INPP4B: variants seen among roughly 807,000 people sequenced by gnomAD.
INPP4B encodes the protein inositol polyphosphate 4-phosphatase type II.
Under a neutral mutation model 122.5 loss-of-function variants are expected in INPP4B, and 55 were observed. The ratio of observed to expected loss-of-function variants is 0.45; its 90% CI spans 0.36 to 0.56. The LOEUF (loss-of-function observed/expected upper bound fraction) is 0.56, where lower values mean the gene tolerates loss of function less well. Among genes scored for constraint, INPP4B ranks in the 20% least tolerant of loss-of-function variants. The probability of loss-of-function intolerance (pLI) is 0.00; values close to 1 mark genes in which losing one functional copy is unlikely to be tolerated. For synonymous variants in INPP4B, 403 were observed against 388.7 expected (o/e 1.04, Z -0.43); for missense variants, 1,000 against 1,097.7 (o/e 0.91, Z 1.26).
intron 3 of INPP4B, among the ~76,000 whole-genome samples, chr4:142,435,986 G>A (rs1226033534): frequency 6.6e-6 from 1 of 152,202 alleles, no homozygotes; most frequent in African/African-American, 2.4e-5. Context: ...CATTGCAGCT[G>A]CTAGCTACTT....
chr4:142,277,607 C>T (rs1749158333), intron 9 of INPP4B, among the ~76,000 whole-genome samples: 1 of 151,596 alleles, frequency 6.6e-6, no homozygotes, highest in Non-Finnish European at 1.5e-5. Flanking sequence ...AATTCACAAT[C>T]ACAAAAATAT....
chr4:142,348,491 C>G (rs1311269095), intron 7 of INPP4B, among the ~76,000 whole-genome samples: 1 of 152,054 alleles, frequency 6.6e-6, no homozygotes, highest in Admixed American at 6.6e-5. Flanking sequence ...CCCTCCAATT[C>G]TCCCCAGATA....
At chr4:142,800,811 C>T (rs1294131502) in intron 1 of INPP4B, among the ~76,000 whole-genome samples, 1 of 152,072 alleles carries the variant, frequency 6.6e-6, no homozygotes, top group African/African-American at 2.4e-5. Context: ...TCTTATGTTT[C>T]CATTAAGTGA....
chr4:142,718,570 G>A lies in INPP4B; in HGVS notation c.-191+7269C>T, dbSNP rs571259027. 1.8e-4 allele frequency among the ~76,000 whole-genome samples: 28 copies of A among 152,230 alleles called. No homozygotes were observed. The South Asian group carries it at 1.9e-3, about 10-fold the overall frequency. ...TGTCTTAACTGAACATTAAGCTAGCGCTGTGCCTTCTGTTCATGAATAGCA... is the reference window on the plus strand; with the variant it reads ...TGTCTTAACTGAACATTAAGCTAGCACTGTGCCTTCTGTTCATGAATAGCA... On this transcript the variant is annotated intron_variant, in intron 2 of 25. Coordinates refer to ENST00000262992, the MANE Select transcript of INPP4B (RefSeq NM_001101669.3).
intron 1 of INPP4B, among the ~76,000 whole-genome samples, chr4:142,800,632 G>A (rs76002667): frequency 0.035 from 5,277 of 152,204 alleles, 114 homozygotes; most frequent in Middle Eastern, 0.095. Flanking sequence ...AAGTTCTAAA[G>A]GCAAAGCACT....
At chr4:142,042,514 GTGTGTA>G (rs1748402371) in intron 25 of INPP4B, among the ~76,000 whole-genome samples, 1 of 35,456 alleles carries the variant, frequency 2.8e-5, no homozygotes, top group African/African-American at 5.8e-5. Context: ...ATTTATGTGT[GTGTGTA>G]TGTATGTATG....
chr4:142,164,320 C>T (rs1821615426), intron 16 of INPP4B, among the ~76,000 whole-genome samples: 2 of 151,812 alleles, frequency 1.3e-5, no homozygotes, highest in South Asian at 4.2e-4. Flanking sequence ...ACCTAGAAAT[C>T]TCCTTATTCT....
At chr4:142,150,709 T>C (rs1387825098) in intron 17 of INPP4B, among the ~76,000 whole-genome samples, 1 of 152,038 alleles carries the variant, frequency 6.6e-6, no homozygotes, top group African/African-American at 2.4e-5. Flanking sequence ...GATGCAAAAA[T>C]GTTGATGGAC....
chr4:142,289,148 T>G (rs1032669557), intron 9 of INPP4B, among the ~76,000 whole-genome samples: 3 of 151,772 alleles, frequency 2.0e-5, no homozygotes, highest in African/African-American at 7.3e-5. Flanking sequence ...GACAGAGACT[T>G]TCTAAAATAT....
intron 2 of INPP4B, among the ~76,000 whole-genome samples, chr4:142,624,941 C>T (rs564597850): frequency 2.4e-3 from 369 of 151,912 alleles, no homozygotes; most frequent in African/African-American, 8.3e-3. Context: ...ACGCTTCATG[C>T]TAAAAACTCT....
intron 21 of INPP4B, among the ~76,000 whole-genome samples, chr4:142,119,156 G>A (rs1169471019): frequency 1.3e-5 from 2 of 152,188 alleles, no homozygotes; most frequent in Non-Finnish European, 2.9e-5. Flanking sequence ...ACAGGTGCTG[G>A]AGAGGATGTG....
chr4:142,025,882 G>A lies in INPP4B; in HGVS notation c.*2900C>T, dbSNP rs1228049880. ...GAGGCTGACCAAACTTATGTTCAGG[G>A]ATTGTTTTGGCAGAGTGTAGACAAA... is the stretch of plus-strand genomic sequence containing the variant. On this transcript the variant is annotated 3_prime_UTR_variant, in exon 26 of 26. Coordinates refer to ENST00000262992, the MANE Select transcript of INPP4B (RefSeq NM_001101669.3). 1 of 152,100 alleles carries A rather than the reference G, an allele frequency of 6.6e-6. No homozygotes were observed. The highest frequency in any genetic ancestry group is 1.5e-5 in the Non-Finnish European group (1 of 68,022). 9.4% of individuals were successfully genotyped at this position (152,100 alleles called of 1,614,324 possible).
At chr4:142,328,785 G>A (rs1294611221) in intron 7 of INPP4B, among the ~76,000 whole-genome samples, 1 of 152,134 alleles carries the variant, frequency 6.6e-6, no homozygotes, top group African/African-American at 2.4e-5. Context: ...TAATATAACT[G>A]TATAAACATA....
intron 2 of INPP4B, chr4:142,654,451 C>A (rs1309380550): frequency 6.6e-6 from 1 of 150,460 alleles, no homozygotes; most frequent in African/African-American, 2.4e-5. Context: ...CTGCTCTTCA[C>A]ACTTCCTTGC....
chr4:142,488,520 T>A (rs1392846651), intron 2 of INPP4B, among the ~76,000 whole-genome samples: 3 of 152,152 alleles, frequency 2.0e-5, no homozygotes, highest in Non-Finnish European at 4.4e-5. Flanking sequence ...GAGTTTTCTC[T>A]ATGAGAATGT....
chr4:142,238,015 G>GAA lies in INPP4B; in HGVS notation c.689-6_689-5dup. The GAA allele has an allele frequency of 2.3e-6, 3 of 1,332,100 alleles. No individual in the cohort carries two copies. The highest frequency in any genetic ancestry group is 3.1e-6 in the Non-Finnish European group (3 of 962,486). The allele number at this position is 1,332,100 out of a possible 1,614,324, so 82.5% of individuals were successfully genotyped here. A position where few individuals can be genotyped will look rare whatever the true frequency, so the allele number is the denominator to read the frequency against. On this transcript the variant is annotated splice_region_variant and splice_polypyrimidine_tract_variant and intron_variant, in intron 11 of 25. Transcript: ENST00000262992. ...TTACATACTGGGTTCTTTAACACTG[G>GAA]AAAAAAAAAGAAAAAATAATAGTTA...
At chr4:142,158,149 A>G (rs1405506829) in intron 17 of INPP4B, among the ~76,000 whole-genome samples, 3 of 152,098 alleles carry the variant, frequency 2.0e-5, no homozygotes, top group Non-Finnish European at 4.4e-5. Context: ...CACAGGCACA[A>G]ACACACACAC....
chr4:142,314,828 G>C, intron 7 of INPP4B, 66 bp from the exon 8 acceptor site: 2 of 1,320,658 alleles, frequency 1.5e-6, no homozygotes, highest in Non-Finnish European at 2.1e-6. Flanking sequence ...TCGCACAGGT[G>C]CTGGGTTTCA....
rs115696810 is a variant in INPP4B at position 142,732,609 on chromosome 4, A to C, written c.-253-6708T>G. ...AGAGAATTAAATATCTCAAATACTC[A>C]GAATAAAATCTAACAAAAGATGTTC... On this transcript the variant is annotated intron_variant, in intron 1 of 25. Coordinates refer to ENST00000262992, the MANE Select transcript of INPP4B (RefSeq NM_001101669.3). 6.5e-3 allele frequency among the ~76,000 whole-genome samples: 985 copies of C among 152,196 alleles called. 15 individuals are homozygous for C. Among genetic ancestry groups the C allele is most frequent in the African/African-American group, 0.023 (956 of 41,564 alleles).
Sources: allele counts gnomAD v4.1 joint callset (sites outside exome capture counted in the v4.1 genomes callset), GRCh38; gene constraint gnomAD v4.1.1; transcripts MANE v1.5; gene names NCBI Gene and HGNC (gene_info 2026-07-23, HGNC 2026-07-21).